The following NDUFS4 variants were observed in gnomAD, a reference collection of about 807,000 sequenced individuals.
The protein encoded by NDUFS4 is NADH dehydrogenase [ubiquinone] iron-sulfur protein 4, mitochondrial.
NDUFS4 carries 28 observed loss-of-function variants against 24.3 expected under a neutral mutation model. The ratio of observed to expected loss-of-function variants is 1.15; its 90% confidence interval spans 0.85 to 1.58. NDUFS4 has a LOEUF of 1.58. NDUFS4 is among the 40% of genes most tolerant of loss of function. NDUFS4 has a pLI of 0.00. For synonymous variants in NDUFS4, 93 were observed against 69.7 expected (o/e 1.34, Z -1.67); for missense variants, 223 against 207.9 (o/e 1.07, Z -0.45).
intron 1 of NDUFS4, among the ~76,000 whole-genome samples, chr5:53,569,578 G>T (rs956356620): frequency 6.6e-6 from 1 of 152,070 alleles, no homozygotes; most frequent in Non-Finnish European, 1.5e-5. Flanking sequence ...TGATTATCTA[G>T]TTGTTGAGGA....
intron 1 of NDUFS4, among the ~76,000 whole-genome samples, chr5:53,563,214 GCCAGA>G (rs1208857646): frequency 7.1e-6 from 1 of 139,976 alleles, no homozygotes; most frequent in African/African-American, 2.7e-5. Context: ...GGGCAACAGA[GCCAGA>G]CTGTGTCTCA....
intron 1 of NDUFS4, among the ~76,000 whole-genome samples, chr5:53,574,869 A>T (rs1749332888): frequency 6.6e-6 from 1 of 152,036 alleles, no homozygotes; most frequent in Non-Finnish European, 1.5e-5. Flanking sequence ...ATTAAGTTGC[A>T]CTGTAGTTGC....
rs902850954 is a variant in NDUFS4 at position 53,656,215 on chromosome 5, A to T, written c.351-2336A>T. ...TAAAGATTGAATTCTCTAGAAGTTT[A>T]TTTTTTTTTTCTATTAGTCACTCTC... is the stretch of plus-strand genomic sequence containing the variant. On this transcript the variant is annotated intron_variant, in intron 3 of 4. Coordinates refer to ENST00000296684, the MANE Select transcript of NDUFS4 (RefSeq NM_002495.4). Among the ~76,000 whole-genome samples the T allele has an allele frequency of 7.1e-3, 1,065 of 149,400 alleles. 9 individuals carry two copies. The highest frequency in any genetic ancestry group is 0.024 in the Middle Eastern group (7 of 292).
intron 1 of NDUFS4, among the ~76,000 whole-genome samples, chr5:53,587,266 T>C (rs1749791834): frequency 6.6e-6 from 1 of 152,136 alleles, no homozygotes. Context: ...GAAAATATAT[T>C]ATTCTTGCCC....
chr5:53,639,431 T>C (rs1751648112), intron 2 of NDUFS4, among the ~76,000 whole-genome samples: 1 of 151,950 alleles, frequency 6.6e-6, no homozygotes, highest in Admixed American at 6.6e-5. Context: ...CAGCAATTAA[T>C]GTTTCAGCAT....
intron 4 of NDUFS4, among the ~76,000 whole-genome samples, chr5:53,664,570 T>G (rs529449205): frequency 2.6e-4 from 40 of 152,328 alleles, no homozygotes; most frequent in African/African-American, 9.6e-4. Context: ...TCTTGCTTCA[T>G]TTCATTCATT....
At position 53,614,684 on chromosome 5, in the gene NDUFS4, A is replaced by T. The variant is rs180897569; in HGVS notation, c.177+11154A>T. 2.0e-5 allele frequency among the ~76,000 whole-genome samples: 3 copies of T among 152,120 alleles called. No homozygotes were observed. In the East Asian group the frequency reaches 5.8e-4, roughly 29 times the overall value. On this transcript the variant is annotated intron_variant, in intron 2 of 4. Coordinates refer to ENST00000296684, the MANE Select transcript of NDUFS4 (RefSeq NM_002495.4). ...GACCTGTAGTATGCTAGTGCTGTAT[A>T]ACAGTTCTCCATTGTGTGTCTCTTT... is the stretch of plus-strand genomic sequence containing the variant.
At chr5:53,629,701 C>A (rs1180902818) in intron 2 of NDUFS4, among the ~76,000 whole-genome samples, 1 of 151,930 alleles carries the variant, frequency 6.6e-6, no homozygotes, top group Non-Finnish European at 1.5e-5. Context: ...AGGATTGTAA[C>A]CCCTCCTTTT....
chr5:53,610,849 G>A (rs752307680), intron 2 of NDUFS4, among the ~76,000 whole-genome samples: 1 of 152,092 alleles, frequency 6.6e-6, no homozygotes. Flanking sequence ...TACAGATGTG[G>A]TGCAGGTTGT....
chr5:53,584,084 G>A (rs1262815043), intron 1 of NDUFS4, among the ~76,000 whole-genome samples: 1 of 152,124 alleles, frequency 6.6e-6, no homozygotes, highest in Non-Finnish European at 1.5e-5. Context: ...ACTCCCCAAT[G>A]CACAGTTATT....
chr5:53,661,813 A>G (rs1752352589), intron 4 of NDUFS4, among the ~76,000 whole-genome samples: 1 of 151,826 alleles, frequency 6.6e-6, no homozygotes, highest in South Asian at 2.1e-4. Flanking sequence ...TTAGTGGTGT[A>G]TAAGAATGCT....
chr5:53,581,692 G>A (rs1749571392), intron 1 of NDUFS4, among the ~76,000 whole-genome samples: 1 of 151,908 alleles, frequency 6.6e-6, no homozygotes, highest in South Asian at 2.1e-4. Context: ...CATTTTCTTT[G>A]AGGAGCATTA....
intron 1 of NDUFS4, among the ~76,000 whole-genome samples, chr5:53,595,372 T>C (rs1327191508): frequency 6.6e-6 from 1 of 152,200 alleles, no homozygotes; most frequent in Non-Finnish European, 1.5e-5. Flanking sequence ...TAATAACACA[T>C]GTCAAAGGAT....
At chr5:53,640,421 A>T in intron 2 of NDUFS4, among the ~76,000 whole-genome samples, 1 of 152,062 alleles carries the variant, frequency 6.6e-6, no homozygotes, top group Non-Finnish European at 1.5e-5. Flanking sequence ...AAAGAAAAGA[A>T]ATATATTTGG....
chr5:53,645,324 A>C (rs1751829782), intron 2 of NDUFS4, among the ~76,000 whole-genome samples: 2 of 152,178 alleles, frequency 1.3e-5, no homozygotes. Context: ...TTTTGCAATC[A>C]GACCTTGGCA....
At chr5:53,677,127 G>C (rs1424156445) in intron 4 of NDUFS4, among the ~76,000 whole-genome samples, 1 of 152,160 alleles carries the variant, frequency 6.6e-6, no homozygotes, top group East Asian at 1.9e-4. Flanking sequence ...GAACACAAAA[G>C]CTGGAGTAAT....
intron 2 of NDUFS4, among the ~76,000 whole-genome samples, chr5:53,629,058 C>G (rs1047320222): frequency 6.6e-6 from 1 of 152,162 alleles, no homozygotes; most frequent in Non-Finnish European, 1.5e-5. Context: ...AAATGTGTCC[C>G]AGAGATTCTG....
intron 2 of NDUFS4, among the ~76,000 whole-genome samples, chr5:53,638,807 GA>G (rs1751626977): frequency 6.6e-6 from 1 of 152,016 alleles, no homozygotes; most frequent in African/African-American, 2.4e-5. Context: ...AGTACTCCAG[GA>G]AAACTTTGTC....
intron 1 of NDUFS4, among the ~76,000 whole-genome samples, chr5:53,595,065 A>C (rs780596080): frequency 5.9e-5 from 9 of 152,106 alleles, no homozygotes; most frequent in Non-Finnish European, 1.0e-4. Context: ...TATTTTTATT[A>C]TGTAATAAAT....
Sources: gnomAD v4.1 joint callset for allele counts (sites outside exome capture counted in the v4.1 genomes callset) on GRCh38, gnomAD v4.1.1 for gene constraint, MANE v1.5 for transcripts, NCBI Gene and HGNC (gene_info 2026-07-23, HGNC 2026-07-21) for gene names.